RFX8: variants seen among roughly 807,000 people sequenced by gnomAD.
The protein encoded by RFX8 is regulatory factor X8.
A neutral mutation model predicts 54.6 loss-of-function variants in RFX8; 46 were observed. The observed-to-expected ratio is 0.84, with a 90% CI of 0.67 to 1.08. The LOEUF is 1.08. RFX8 is among the 50% of genes least tolerant of loss of function. The pLI is 0.00. For missense variants in RFX8, 536 were observed against 562.3 expected (o/e 0.95, Z 0.47); for synonymous variants, 192 against 209.5 (o/e 0.92, Z 0.72).
chr2:101,454,617 T>C (rs903133567), intron 2 of RFX8, among the ~76,000 whole-genome samples: 8 of 152,222 alleles, frequency 5.3e-5, no homozygotes, highest in African/African-American at 1.7e-4. Flanking sequence ...TATCTCATTG[T>C]GGTTTTGATT....
intron 2 of RFX8, among the ~76,000 whole-genome samples, chr2:101,450,365 G>T (rs1435640992): frequency 6.6e-6 from 1 of 152,122 alleles, no homozygotes; most frequent in African/African-American, 2.4e-5. Context: ...GACACTACCG[G>T]TGCACAACAC....
rs562571498 is a variant in RFX8 at position 101,421,873 on chromosome 2, G to T, written c.184-96C>A. 1,575 of 879,624 alleles carry T rather than the reference G, an allele frequency of 1.8e-3. 5 individuals carry two copies. Among genetic ancestry groups the T allele is most frequent in the South Asian group, 2.2e-3 (128 of 57,686 alleles). The allele number at this position is 879,624 out of a possible 1,614,324, so 54.5% of individuals were successfully genotyped here. A position where few individuals can be genotyped will look rare whatever the true frequency, so the allele number is the denominator to read the frequency against. On this transcript the variant is annotated intron_variant, in intron 3 of 11. Transcript: ENST00000428343. ...TCTGAAGCTCTCAGAGGCCGCTCTT[G>T]TTGCAATTCTCAAATGACAATAGCT...
At chr2:101,443,648 G>A (rs148955304) in intron 2 of RFX8, among the ~76,000 whole-genome samples, 40 of 152,274 alleles carry the variant, frequency 2.6e-4, no homozygotes, top group Non-Finnish European at 7.4e-5. Context: ...GTAGAGAAAT[G>A]ACAATGTGGT....
intron 2 of RFX8, among the ~76,000 whole-genome samples, chr2:101,462,915 C>T (rs1161939136): frequency 6.6e-6 from 1 of 152,086 alleles, no homozygotes; most frequent in Non-Finnish European, 1.5e-5. Flanking sequence ...AGAAGAGTTT[C>T]TCAAAAGGAT....
chr2:101,467,115 AGATCAGAAGCCCATAACGTGTTTCTGTT>A, intron 1 of RFX8, among the ~76,000 whole-genome samples: 2 of 152,184 alleles, frequency 1.3e-5, no homozygotes, highest in Non-Finnish European at 2.9e-5. Flanking sequence ...GGCTTTTAGA[AGATCAGAAGCCCATAACGTGTTTCTGTT>A]TTTGTTTGTT....
intron 10 of RFX8, among the ~76,000 whole-genome samples, chr2:101,405,159 TTC>T (rs1411562399): frequency 5.3e-5 from 8 of 151,216 alleles, no homozygotes; most frequent in Middle Eastern, 6.3e-3. Context: ...TTTTTTTTTT[TTC>T]TTGAGGTGAA....
chr2:101,402,932 G>T (rs1229112317), intron 10 of RFX8, among the ~76,000 whole-genome samples, 180 bp from the exon 11 acceptor site: 1 of 152,164 alleles, frequency 6.6e-6, no homozygotes, highest in Non-Finnish European at 1.5e-5. Context: ...AAAACCCCTG[G>T]CAGGGCAGCT....
intron 2 of RFX8, among the ~76,000 whole-genome samples, chr2:101,440,213 G>A (rs1015310552): frequency 6.6e-6 from 1 of 152,108 alleles, no homozygotes; most frequent in African/African-American, 2.4e-5. Flanking sequence ...TTATGCAGCT[G>A]TGCAGAAAAG....
At chr2:101,401,140 T>A (rs2104510697) in intron 11 of RFX8, among the ~76,000 whole-genome samples, 1 of 152,344 alleles carries the variant, frequency 6.6e-6, no homozygotes, top group South Asian at 2.1e-4. Context: ...AACGTTGGAA[T>A]CTACCTCACA....
chr2:101,461,691 G>GA (rs1233953458), intron 2 of RFX8, among the ~76,000 whole-genome samples: 2 of 151,980 alleles, frequency 1.3e-5, no homozygotes, highest in Admixed American at 1.3e-4. Context: ...CAGTTAAAAT[G>GA]AAAAAATCAA....
At chr2:101,410,538 T>C in intron 9 of RFX8, 81 bp downstream of exon 9, 2 of 743,216 alleles carry the variant, frequency 2.7e-6, no homozygotes, top group Non-Finnish European at 4.5e-6. Context: ...AGAAGCCTCT[T>C]TCCCATCCCT....
At chr2:101,400,889 C>T (rs1333311616) in intron 11 of RFX8, among the ~76,000 whole-genome samples, 1 of 152,140 alleles carries the variant, frequency 6.6e-6, no homozygotes, top group Non-Finnish European at 1.5e-5. Context: ...GGAGAGCCAT[C>T]CTCCTAGGTA....
At chr2:101,427,753 C>T (rs540703048) in intron 2 of RFX8, among the ~76,000 whole-genome samples, 76 of 152,152 alleles carry the variant, frequency 5.0e-4, no homozygotes, top group Non-Finnish European at 6.2e-4. Context: ...CTGCACTGCC[C>T]GCTCGACATG....
rs1490056664 is a variant in RFX8 at position 101,474,223 on chromosome 2, G to A, written c.-53+413C>T. 23 of 625,876 alleles carry A rather than the reference G, an allele frequency of 3.7e-5. No individual in the cohort carries two copies. In the East Asian group the frequency reaches 6.5e-4, roughly 18 times the overall value. The allele number at this position is 625,876 out of a possible 1,614,324, so 38.8% of individuals were successfully genotyped here. On this transcript the variant is annotated intron_variant, in intron 1 of 11. Transcript: ENST00000428343. The stretch of plus-strand genomic sequence containing the variant: ...TCACCACTGGATGACGCCGCTGTGC[G>A]GGCCCCGGCTACCCTCGCCGCTCGA...
intron 2 of RFX8, among the ~76,000 whole-genome samples, chr2:101,457,739 C>T (rs565910288): frequency 6.6e-6 from 1 of 152,160 alleles, no homozygotes; most frequent in Non-Finnish European, 1.5e-5. Flanking sequence ...TGGTGCAGAG[C>T]TGAGTTTAGG....
chr2:101,452,636 GA>G (rs921034954), intron 2 of RFX8, among the ~76,000 whole-genome samples: 13 of 152,018 alleles, frequency 8.6e-5, no homozygotes, highest in East Asian at 3.8e-4. Context: ...AATTTTGGGG[GA>G]AAAAAATTAG....
intron 2 of RFX8, among the ~76,000 whole-genome samples, chr2:101,441,247 G>C (rs920144760): frequency 9.9e-5 from 15 of 152,228 alleles, no homozygotes; most frequent in Non-Finnish European, 1.5e-5. Context: ...TGGGATTACA[G>C]GCGTGAGCCA....
At chr2:101,459,953 G>A (rs964161399) in intron 2 of RFX8, among the ~76,000 whole-genome samples, 2 of 151,968 alleles carry the variant, frequency 1.3e-5, no homozygotes, top group Admixed American at 6.6e-5. Flanking sequence ...CCGATGCCCC[G>A]CCCCACCCCC....
intron 5 of RFX8, among the ~76,000 whole-genome samples, chr2:101,418,137 G>T (rs1448442936): frequency 6.6e-6 from 1 of 151,976 alleles, no homozygotes; most frequent in Admixed American, 6.6e-5. Flanking sequence ...TGATCCACCC[G>T]CCTCAGCCTC....
Sources: gnomAD v4.1 joint callset for allele counts (sites outside exome capture counted in the v4.1 genomes callset) on GRCh38, gnomAD v4.1.1 for gene constraint, MANE v1.5 for transcripts, NCBI Gene and HGNC (gene_info 2026-07-23, HGNC 2026-07-21) for gene names.